C12orf75: variants seen among roughly 807,000 people sequenced by gnomAD.
The protein encoded by C12orf75 is overexpressed in colon carcinoma 1 protein.
A neutral mutation model predicts 11.4 loss-of-function variants in C12orf75; 4 were observed. That is an observed-to-expected ratio of 0.35 (90% confidence interval 0.17 to 0.80). C12orf75 has a LOEUF of 0.80. Ranked by LOEUF, C12orf75 falls within the 30% of genes least tolerant of loss-of-function variation. The pLI is 0.52. For synonymous variants in C12orf75, 30 were observed against 30.0 expected, an observed-to-expected ratio of 1.00 and a Z score of 0.00; for missense variants, 89 against 80.4, an observed-to-expected ratio of 1.11 and a Z score of -0.41.
chr12:105,362,169 G>A lies in C12orf75; in HGVS notation c.72-3638G>A, dbSNP rs1041034744. 3.9e-5 allele frequency among the ~76,000 whole-genome samples: 6 copies of A among 151,970 alleles called. No individual in the cohort carries two copies. The East Asian group carries it at 7.8e-4, about 20-fold the overall frequency. On this transcript the variant is annotated intron_variant, in intron 2 of 5. Coordinates refer to ENST00000443585, the MANE Select transcript of C12orf75 (RefSeq NM_001145199.2). ...TGGGAGGCCGAGGCGGGCGGATCAC[G>A]AGGTCAGGAGATCGAGACCATCCTG...
chr12:105,331,371 C>A (rs1371582535), intron 1 of C12orf75, among the ~76,000 whole-genome samples: 1 of 151,748 alleles, frequency 6.6e-6, no homozygotes, highest in Non-Finnish European at 1.5e-5. Context: ...CAAGACAGGA[C>A]TTTTCGGGCA....
rs1431103491 is a variant in C12orf75 at position 105,348,190 on chromosome 12, G to A, written c.47-412G>A. 2.0e-5 allele frequency among the ~76,000 whole-genome samples: 3 copies of A among 152,242 alleles called. 1 individual carries two copies. The highest frequency in any genetic ancestry group is 1.5e-5 in the Non-Finnish European group (1 of 68,018). On this transcript the variant is annotated intron_variant, in intron 1 of 5. Coordinates refer to ENST00000443585, the MANE Select transcript of C12orf75 (RefSeq NM_001145199.2). ...AGCACTTTGGGCAATCAAGGTGGGA[G>A]GATTGCTTAAGCCCAGGAGTTGGAG...
intron 1 of C12orf75, among the ~76,000 whole-genome samples, chr12:105,336,824 G>A (rs147649925): frequency 9.9e-4 from 151 of 152,314 alleles, no homozygotes; most frequent in African/African-American, 3.3e-3. Flanking sequence ...CAACATACTC[G>A]ACTGTACCAT....
At chr12:105,369,623 G>A (rs1871574061) in intron 5 of C12orf75, among the ~76,000 whole-genome samples, 1 of 151,468 alleles carries the variant, frequency 6.6e-6, no homozygotes. Context: ...CCCAACCCCT[G>A]AACAGGCCCC....
chr12:105,367,883 A>C (rs1871523082), intron 5 of C12orf75, among the ~76,000 whole-genome samples: 1 of 152,190 alleles, frequency 6.6e-6, no homozygotes, highest in Non-Finnish European at 1.5e-5. Context: ...ATCGATTTTA[A>C]GTGGTATTAG....
chr12:105,366,028 A>G (rs1871464298), intron 3 of C12orf75, 186 bp downstream of exon 3: 2 of 619,700 alleles, frequency 3.2e-6, no homozygotes, highest in Admixed American at 2.7e-5. Flanking sequence ...TGCTCCTTCC[A>G]AGCAAACTTG....
At chr12:105,354,201 G>A (rs1240634587) in intron 2 of C12orf75, among the ~76,000 whole-genome samples, 1 of 152,224 alleles carries the variant, frequency 6.6e-6, no homozygotes, top group African/African-American at 2.4e-5. Context: ...TGGAAGCAGA[G>A]GGACTTGTGT....
chr12:105,333,177 A>G (rs1054931331), intron 1 of C12orf75, among the ~76,000 whole-genome samples: 2 of 152,206 alleles, frequency 1.3e-5, no homozygotes, highest in Non-Finnish European at 2.9e-5. Context: ...GCCATTCCCA[A>G]ACATTTGCCT....
At chr12:105,368,234 C>G (rs1871533626) in intron 5 of C12orf75, among the ~76,000 whole-genome samples, 1 of 152,210 alleles carries the variant, frequency 6.6e-6, no homozygotes, top group Non-Finnish European at 1.5e-5. Context: ...TCTTAGTTCA[C>G]TGGGTCCACC....
intron 2 of C12orf75, among the ~76,000 whole-genome samples, chr12:105,355,234 A>G (rs1467658115): frequency 1.5e-5 from 2 of 136,962 alleles, no homozygotes; most frequent in Non-Finnish European, 3.0e-5. Flanking sequence ...CAGTGGCACT[A>G]TCTCAGCTCA....
intron 1 of C12orf75, among the ~76,000 whole-genome samples, chr12:105,342,292 T>C (rs546249348): frequency 2.6e-5 from 4 of 151,814 alleles, no homozygotes; most frequent in African/African-American, 9.7e-5. Flanking sequence ...ATGGAATGGG[T>C]TGGTTATTGA....
At chr12:105,365,353 T>C (rs1219963811) in intron 2 of C12orf75, among the ~76,000 whole-genome samples, 1 of 152,192 alleles carries the variant, frequency 6.6e-6, no homozygotes, top group Non-Finnish European at 1.5e-5. Context: ...TCATAAGAGA[T>C]CTAAAACCAT....
chr12:105,342,411 A>C (rs1452409432), intron 1 of C12orf75, among the ~76,000 whole-genome samples: 1 of 152,222 alleles, frequency 6.6e-6, no homozygotes, highest in Non-Finnish European at 1.5e-5. Context: ...ATGAAGGAGC[A>C]TAAAGGCCCT....
At chr12:105,370,075 G>A (rs993027373) in intron 5 of C12orf75, among the ~76,000 whole-genome samples, 12 of 152,198 alleles carry the variant, frequency 7.9e-5, no homozygotes, top group Admixed American at 2.0e-4. Flanking sequence ...AATGATTTCA[G>A]AATCCCTTAA....
chr12:105,331,022 C>T, intron 1 of C12orf75, 85 bp downstream of exon 1: 1 of 847,678 alleles, frequency 1.2e-6, no homozygotes, highest in Non-Finnish European at 1.6e-6. Flanking sequence ...GGGTGGGGGG[C>T]GCGCAGCCCC....
At chr12:105,349,914 T>G (rs1012984472) in intron 2 of C12orf75, among the ~76,000 whole-genome samples, 1 of 152,190 alleles carries the variant, frequency 6.6e-6, no homozygotes, top group Non-Finnish European at 1.5e-5. Context: ...TTCTTATTTC[T>G]TATTACAAAG....
At chr12:105,367,762 C>T (rs922205341) in intron 5 of C12orf75, among the ~76,000 whole-genome samples, 2 of 152,096 alleles carry the variant, frequency 1.3e-5, no homozygotes, top group Non-Finnish European at 2.9e-5. Context: ...CTAAGTGTCT[C>T]CCTAAAACAT....
chr12:105,332,702 A>G (rs899452175), intron 1 of C12orf75, among the ~76,000 whole-genome samples: 12 of 150,958 alleles, frequency 7.9e-5, no homozygotes, highest in African/African-American at 2.7e-4. Context: ...TTGCACTCCA[A>G]CCTGGGCAAC....
Position 105,362,536 on chromosome 12 carries a change from G to A in C12orf75, c.72-3271G>A, listed in dbSNP as rs952644940. ...CAAAAAATTAGCCGGGTGTGGTGGCGGGTGCCTGTAGTCCCAGCTACTCAG... is the reference window on the plus strand; with the variant it reads ...CAAAAAATTAGCCGGGTGTGGTGGCAGGTGCCTGTAGTCCCAGCTACTCAG... On this transcript the variant is annotated intron_variant, in intron 2 of 5. Coordinates refer to ENST00000443585, the MANE Select transcript of C12orf75 (RefSeq NM_001145199.2). Among the ~76,000 whole-genome samples the A allele has an allele frequency of 2.6e-3, 398 of 151,204 alleles. 4 individuals carry two copies. The highest frequency in any genetic ancestry group is 1.5e-3 in the Non-Finnish European group (105 of 67,778).
Sources: gnomAD v4.1 joint callset for allele counts (sites outside exome capture counted in the v4.1 genomes callset) on GRCh38, gnomAD v4.1.1 for gene constraint, MANE v1.5 for transcripts, NCBI Gene and HGNC (gene_info 2026-07-23, HGNC 2026-07-21) for gene names.